The following CNTN5 variants were observed in gnomAD, a reference collection of about 807,000 sequenced individuals.
CNTN5 encodes the protein contactin-5.
In CNTN5, 77 loss-of-function variants were observed where a neutral mutation model predicts 129.1. The ratio of observed to expected loss-of-function variants is 0.60; its 90% CI spans 0.50 to 0.72. The LOEUF is 0.72. Ranked by LOEUF, CNTN5 falls within the 30% of genes least tolerant of loss-of-function variation. The probability of loss-of-function intolerance (pLI) is 0.00; values close to 1 mark genes in which losing one functional copy is unlikely to be tolerated. For synonymous variants in CNTN5, 509 were observed against 465.6 expected (o/e 1.09, Z -1.20); for missense variants, 1,478 against 1,328.8 (o/e 1.11, Z -1.75).
intron 3 of CNTN5, among the ~76,000 whole-genome samples, chr11:99,711,230 A>G (rs992558046): frequency 6.6e-6 from 1 of 152,026 alleles, no homozygotes; most frequent in East Asian, 1.9e-4. Flanking sequence ...ATAGAGATAG[A>G]TGATATTTAT....
intron 3 of CNTN5, among the ~76,000 whole-genome samples, chr11:99,703,226 G>GT (rs1166927140): frequency 2.4e-4 from 33 of 134,984 alleles, no homozygotes; most frequent in East Asian, 4.9e-4. Flanking sequence ...AGGTATTTGG[G>GT]GTTTTTTTTT....
At chr11:99,314,615 T>C (rs1865259512) in intron 1 of CNTN5, among the ~76,000 whole-genome samples, 1 of 151,982 alleles carries the variant, frequency 6.6e-6, no homozygotes, top group Admixed American at 6.6e-5. Flanking sequence ...AAGCAGTTGA[T>C]TGTCACACAG....
chr11:99,263,425 A>T (rs1862737224), intron 1 of CNTN5, among the ~76,000 whole-genome samples: 1 of 152,168 alleles, frequency 6.6e-6, no homozygotes, highest in African/African-American at 2.4e-5. Flanking sequence ...AAATTGTACA[A>T]AAGTCTATTA....
At chr11:99,334,483 T>C (rs965279535) in intron 2 of CNTN5, among the ~76,000 whole-genome samples, 1 of 152,138 alleles carries the variant, frequency 6.6e-6, no homozygotes, top group Middle Eastern at 3.2e-3. Flanking sequence ...CATAAATACG[T>C]ATAATTATGA....
chr11:99,974,883 G>A (rs1937840169), intron 8 of CNTN5, among the ~76,000 whole-genome samples: 1 of 152,166 alleles, frequency 6.6e-6, no homozygotes, highest in East Asian at 1.9e-4. Flanking sequence ...AAAAAAATAT[G>A]CTGAATCCAG....
chr11:99,360,108 C>T (rs974994525), intron 2 of CNTN5, among the ~76,000 whole-genome samples: 1 of 152,166 alleles, frequency 6.6e-6, no homozygotes, highest in African/African-American at 2.4e-5. Flanking sequence ...CAACATTAAA[C>T]CGTAAGACTT....
At chr11:100,012,554 C>T (rs1213174896) in intron 9 of CNTN5, among the ~76,000 whole-genome samples, 2 of 152,064 alleles carry the variant, frequency 1.3e-5, no homozygotes, top group East Asian at 1.9e-4. Context: ...ATCATATTTC[C>T]AGCTTTTCCA....
intron 3 of CNTN5, among the ~76,000 whole-genome samples, chr11:99,601,709 TCC>T (rs930158371): frequency 2.6e-5 from 4 of 152,180 alleles, no homozygotes; most frequent in African/African-American, 9.6e-5. Flanking sequence ...GACTAATCAA[TCC>T]CACCTCATCT....
At chr11:99,923,789 A>ATCTATCTG (rs1430314946) in intron 7 of CNTN5, among the ~76,000 whole-genome samples, 1 of 151,556 alleles carries the variant, frequency 6.6e-6, no homozygotes, top group East Asian at 1.9e-4. Context: ...CTATCTATCT[A>ATCTATCTG]TCTATCTATC....
At chr11:99,645,259 C>CAAT (rs1373283813) in intron 3 of CNTN5, among the ~76,000 whole-genome samples, 1 of 67,912 alleles carries the variant, frequency 1.5e-5, no homozygotes, top group African/African-American at 6.3e-5. Flanking sequence ...GGCTCCATCT[C>CAAT]AACAAAAAAA....
At chr11:99,585,496 A>G (rs1442397083) in intron 3 of CNTN5, among the ~76,000 whole-genome samples, 1 of 152,080 alleles carries the variant, frequency 6.6e-6, no homozygotes, top group Non-Finnish European at 1.5e-5. Flanking sequence ...TGGTTATTTA[A>G]AAAAATATAT....
intron 2 of CNTN5, among the ~76,000 whole-genome samples, chr11:99,447,854 G>A (rs1189072433): frequency 1.3e-5 from 2 of 152,154 alleles, no homozygotes; most frequent in South Asian, 4.1e-4. Context: ...GAACCCAGGA[G>A]GCAGAAGTTG....
chr11:100,144,450 C>T (rs894094812), intron 13 of CNTN5, among the ~76,000 whole-genome samples: 1 of 152,012 alleles, frequency 6.6e-6, no homozygotes, highest in African/African-American at 2.4e-5. Context: ...CTTTTGCTCC[C>T]ACCTACGAGA....
chr11:99,972,415 T>G (rs1951288976), intron 8 of CNTN5, among the ~76,000 whole-genome samples: 1 of 152,154 alleles, frequency 6.6e-6, no homozygotes, highest in African/African-American at 2.4e-5. Context: ...AGCACTTTGT[T>G]TGGAAATACA....
Position 99,713,953 on chromosome 11 carries a change from G to A in CNTN5, c.56-105591G>A, listed in dbSNP as rs74692269. Among the ~76,000 whole-genome samples, 982 of 151,940 alleles carry A rather than the reference G, an allele frequency of 6.5e-3. 9 individuals carry two copies. Among genetic ancestry groups the A allele is most frequent in the African/African-American group, 0.021 (876 of 41,460 alleles). On this transcript the variant is annotated intron_variant, in intron 3 of 24. Transcript: ENST00000524871. ...ATTCTTAATAGAATTCTTAGATTTCGTGAGCAGAATGGGGACCATGCATGG... is the reference window on the plus strand; with the variant it reads ...ATTCTTAATAGAATTCTTAGATTTCATGAGCAGAATGGGGACCATGCATGG...
chr11:99,847,306 T>TTTGAA (rs2135708514), intron 6 of CNTN5, among the ~76,000 whole-genome samples: 1 of 152,336 alleles, frequency 6.6e-6, no homozygotes, highest in African/African-American at 2.4e-5. Flanking sequence ...AATACACTCA[T>TTTGAA]CTGAAGTGAT....
chr11:99,750,374 C>T (rs1431321194), intron 3 of CNTN5, among the ~76,000 whole-genome samples: 1 of 152,124 alleles, frequency 6.6e-6, no homozygotes, highest in Non-Finnish European at 1.5e-5. Flanking sequence ...ACTACTAATT[C>T]ATTTTACTTG....
chr11:100,024,957 T>G (rs1941344833), intron 9 of CNTN5, among the ~76,000 whole-genome samples: 1 of 152,132 alleles, frequency 6.6e-6, no homozygotes, highest in African/African-American at 2.4e-5. Flanking sequence ...AAAGACCCAT[T>G]TTCTGAGGGG....
chr11:99,493,549 A>T (rs1946114117), intron 2 of CNTN5, among the ~76,000 whole-genome samples: 1 of 152,230 alleles, frequency 6.6e-6, no homozygotes, highest in South Asian at 2.1e-4. Context: ...AGCAAATATT[A>T]ATGGAGAAAC....
Sources: gnomAD v4.1 joint callset for allele counts (sites outside exome capture counted in the v4.1 genomes callset) on GRCh38, gnomAD v4.1.1 for gene constraint, MANE v1.5 for transcripts, NCBI Gene and HGNC (gene_info 2026-07-23, HGNC 2026-07-21) for gene names.